Variants in CPEB3 observed in about 807,000 individuals in gnomAD.
CPEB3 encodes the protein cytoplasmic polyadenylation element-binding protein 3.
In CPEB3, 20 loss-of-function variants were observed where a neutral mutation model predicts 67.2. The observed-to-expected ratio is 0.30, with a 90% CI of 0.21 to 0.43. The LOEUF (loss-of-function observed/expected upper bound fraction) is 0.43. Ranked by LOEUF, CPEB3 falls within the 20% of genes least tolerant of loss-of-function variation. CPEB3 has a pLI of 1.00. For synonymous variants in CPEB3, 376 were observed against 393.1 expected (o/e 0.96, Z 0.51); for missense variants, 746 against 968.6 (o/e 0.77, Z 3.05).
chr10:92,197,383 AC>A (rs1213507131), intron 2 of CPEB3, among the ~76,000 whole-genome samples: 1 of 152,240 alleles, frequency 6.6e-6, no homozygotes, highest in Non-Finnish European at 1.5e-5. Flanking sequence ...AGAAAAATCT[AC>A]AGTGGAATTC....
intron 2 of CPEB3, among the ~76,000 whole-genome samples, chr10:92,199,708 A>G (rs1849422410): frequency 1.3e-5 from 2 of 150,432 alleles, no homozygotes; most frequent in Non-Finnish European, 3.0e-5. Flanking sequence ...AAAAAGGACA[A>G]ACTCACAAAA....
chr10:92,188,172 G>T (rs1425783653), intron 3 of CPEB3, among the ~76,000 whole-genome samples: 1 of 151,760 alleles, frequency 6.6e-6, no homozygotes, highest in East Asian at 1.9e-4. Flanking sequence ...CTCCAGCCTG[G>T]GTGAAAGAGC....
chr10:92,208,539 T>G (rs1404493486), intron 2 of CPEB3, among the ~76,000 whole-genome samples: 3 of 152,132 alleles, frequency 2.0e-5, no homozygotes, highest in Non-Finnish European at 4.4e-5. Flanking sequence ...TTCCAAATTT[T>G]AAGGAAGTTG....
intron 2 of CPEB3, among the ~76,000 whole-genome samples, chr10:92,231,052 T>C (rs1204874439): frequency 1.3e-5 from 2 of 152,170 alleles, no homozygotes; most frequent in African/African-American, 4.8e-5. Flanking sequence ...ATTTCTCCCA[T>C]CACCAATTAA....
rs529083649 is a variant in CPEB3 at position 92,223,836 on chromosome 10, A to G, written c.1005+15510T>C. ...TGATCTCGGCTCACTGCAACCTCCAACTCCCGGATTCAAGCAATTCTCCTG... is the reference window on the plus strand; with the variant it reads ...TGATCTCGGCTCACTGCAACCTCCAGCTCCCGGATTCAAGCAATTCTCCTG... On this transcript the variant is annotated intron_variant, in intron 2 of 9. Coordinates refer to ENST00000265997, the MANE Select transcript of CPEB3 (RefSeq NM_014912.5). 4.1e-5 allele frequency among the ~76,000 whole-genome samples: 6 copies of G among 146,756 alleles called. No individual in the cohort carries two copies. In the South Asian group the frequency reaches 1.1e-3, roughly 27 times the overall value.
intron 1 of CPEB3, among the ~76,000 whole-genome samples, chr10:92,277,632 C>T (rs1021071478): frequency 2.6e-5 from 4 of 151,880 alleles, no homozygotes; most frequent in African/African-American, 9.7e-5. Flanking sequence ...GGCTCATGCC[C>T]GTAATCCGAG....
chr10:92,047,637 C>T lies in CPEB3; in HGVS notation c.*4575G>A, dbSNP rs1253229207. The T allele has an allele frequency of 6.6e-6, 1 of 152,202 alleles. No individual in the cohort carries two copies. Among genetic ancestry groups the T allele is most frequent in the Non-Finnish European group, 1.5e-5 (1 of 68,032 alleles). The allele number at this position is 152,202 out of a possible 1,614,324, so 9.4% of individuals were successfully genotyped here. On this transcript the variant is annotated 3_prime_UTR_variant, in exon 10 of 10. Coordinates refer to ENST00000265997, the MANE Select transcript of CPEB3 (RefSeq NM_014912.5). Reference sequence around the variant, plus strand: ...AAGAATTTTCCACTTTTCTTCTGTTCCTAATCATTTATTTGTAGTTAATGT... The same window carrying T: ...AAGAATTTTCCACTTTTCTTCTGTTTCTAATCATTTATTTGTAGTTAATGT...
intron 6 of CPEB3, among the ~76,000 whole-genome samples, chr10:92,132,966 C>T (rs577574991): frequency 2.0e-5 from 3 of 152,164 alleles, no homozygotes; most frequent in African/African-American, 7.2e-5. Context: ...TCTTTGAAAC[C>T]AATGAGAACA....
intron 1 of CPEB3, among the ~76,000 whole-genome samples, chr10:92,258,717 C>G (rs1027065545): frequency 1.3e-4 from 17 of 128,380 alleles, no homozygotes; most frequent in Non-Finnish European, 2.0e-4. Flanking sequence ...AAAAAATGTT[C>G]ACTAGATCAG....
intron 2 of CPEB3, among the ~76,000 whole-genome samples, chr10:92,226,168 T>C (rs1331053822): frequency 4.6e-5 from 7 of 152,222 alleles, no homozygotes; most frequent in Admixed American, 2.0e-4. Flanking sequence ...AAGTTTTAAA[T>C]AGTTAACAGG....
At chr10:92,118,129 G>GTT (rs1160406805) in intron 6 of CPEB3, among the ~76,000 whole-genome samples, 2 of 152,044 alleles carry the variant, frequency 1.3e-5, no homozygotes, top group East Asian at 3.8e-4. Flanking sequence ...TGACAGTTTT[G>GTT]TTTTGTTTTG....
chr10:92,052,446 C>T lies in CPEB3; in HGVS notation c.1870-7G>A, dbSNP rs1254125556. Reference sequence around the variant, plus strand: ...CATATGGCTTTACTTCAACCTGGACCCAAAGAGGAAAGACAGAGAAAAATG... The same window carrying T: ...CATATGGCTTTACTTCAACCTGGACTCAAAGAGGAAAGACAGAGAAAAATG... On this transcript the variant is annotated splice_region_variant and splice_polypyrimidine_tract_variant and intron_variant, in intron 9 of 9. Coordinates refer to ENST00000265997, the MANE Select transcript of CPEB3 (RefSeq NM_014912.5). The T allele has an allele frequency of 8.7e-6, 14 of 1,601,450 alleles. No homozygotes were observed. Among genetic ancestry groups the T allele is most frequent in the Non-Finnish European group, 1.1e-5 (13 of 1,169,538 alleles).
At chr10:92,184,181 T>G (rs975406532) in intron 3 of CPEB3, among the ~76,000 whole-genome samples, 7 of 152,214 alleles carry the variant, frequency 4.6e-5, no homozygotes, top group Non-Finnish European at 1.5e-5. Flanking sequence ...AGGCAGTGTT[T>G]TGCAGATTGA....
At chr10:92,191,850 C>G (rs1426989715) in intron 3 of CPEB3, among the ~76,000 whole-genome samples, 1 of 152,190 alleles carries the variant, frequency 6.6e-6, no homozygotes, top group Non-Finnish European at 1.5e-5. Flanking sequence ...CAACATCTAT[C>G]CTGAATTTAC....
intron 9 of CPEB3, among the ~76,000 whole-genome samples, chr10:92,074,592 T>C (rs1261548713): frequency 6.6e-6 from 1 of 152,110 alleles, no homozygotes; most frequent in African/African-American, 2.4e-5. Context: ...AGGCAACGTA[T>C]GTATAATGAC....
intron 2 of CPEB3, among the ~76,000 whole-genome samples, chr10:92,201,940 A>T (rs1331919455): frequency 6.6e-6 from 1 of 152,176 alleles, no homozygotes; most frequent in Non-Finnish European, 1.5e-5. Flanking sequence ...ATTTCTCTGC[A>T]TTCCCATTAT....
intron 8 of CPEB3, among the ~76,000 whole-genome samples, chr10:92,091,274 A>G (rs1343524851): frequency 6.6e-6 from 1 of 152,232 alleles, no homozygotes; most frequent in Non-Finnish European, 1.5e-5. Flanking sequence ...TAGATCTTAG[A>G]AATGATTTTG....
chr10:92,118,683 G>C (rs573674750), intron 6 of CPEB3: 8 of 687,790 alleles, frequency 1.2e-5, no homozygotes, highest in Non-Finnish European at 2.2e-5. Flanking sequence ...AGACATGTTG[G>C]TCGACATTGC....
chr10:92,222,777 C>T (rs1850766891), intron 2 of CPEB3, among the ~76,000 whole-genome samples: 1 of 152,118 alleles, frequency 6.6e-6, no homozygotes, highest in African/African-American at 2.4e-5. Flanking sequence ...CCCTTTTACC[C>T]ACCTCTGCCT....
Sources: allele counts gnomAD v4.1 joint callset (sites outside exome capture counted in the v4.1 genomes callset), GRCh38; gene constraint gnomAD v4.1.1; transcripts MANE v1.5; gene names NCBI Gene and HGNC (gene_info 2026-07-23, HGNC 2026-07-21).